Variants in UNC13A observed in about 807,000 individuals in gnomAD.
UNC13A encodes the protein protein unc-13 homolog A.
UNC13A carries 61 observed loss-of-function variants against 219.7 expected under a neutral mutation model. The observed-to-expected ratio is 0.28, with a 90% CI of 0.23 to 0.34. UNC13A has a LOEUF of 0.34. Among genes scored for constraint, UNC13A ranks in the 10% least tolerant of loss-of-function variants. The pLI is 1.00. For synonymous variants in UNC13A, 920 were observed against 884.6 expected (o/e 1.04, Z -0.71); for missense variants, 1,476 against 2,270.3 (o/e 0.65, Z 7.11).
Position 17,630,229 on chromosome 19 carries a change from T to C in UNC13A, c.3585A>G (p.Gln1195=), listed in dbSNP as rs1275701534. 1 of 1,555,614 alleles carries C rather than the reference T, an allele frequency of 6.4e-7. No individual in the cohort carries two copies. The highest frequency in any genetic ancestry group is 8.7e-7 in the Non-Finnish European group (1 of 1,149,358). ...FSCSVVDVFS[Q]LNQSFEIIKK... is the part of the protein sequence containing the mutation. ...TGATGATTTCAAAGCTCTGGTTGAG[T>C]TGGGAGAAAACATCCACCACGGAGC... is the stretch of plus-strand genomic sequence containing the variant. The change falls in exon 30 of 44, where the codon CAA becomes CAG. Residue 1195 remains glutamine, a synonymous_variant. Transcript: ENST00000519716.
At chr19:17,618,983 C>G in intron 38 of UNC13A, 21 bp from the exon 39 acceptor site, 3 of 1,613,530 alleles carry the variant, frequency 1.9e-6, no homozygotes, top group Non-Finnish European at 2.5e-6. Flanking sequence ...CAACATACAG[C>G]TGGGTGAGGG....
intron 8 of UNC13A, among the ~76,000 whole-genome samples, chr19:17,662,628 C>T (rs574367226): frequency 3.8e-4 from 58 of 152,156 alleles, no homozygotes; most frequent in Admixed American, 2.0e-4. Flanking sequence ...GAAAAACGGA[C>T]ATTTAATTAG....
chr19:17,609,043 C>T (rs914693002), intron 43 of UNC13A, among the ~76,000 whole-genome samples: 2 of 149,982 alleles, frequency 1.3e-5, no homozygotes, highest in East Asian at 2.0e-4. Context: ...CTGCACCCTC[C>T]GCCTCCCGGA....
Position 17,648,591 on chromosome 19 carries a change from C to T in UNC13A, c.1656G>A (p.Thr552=), listed in dbSNP as rs765135292. The T allele has an allele frequency of 2.5e-5, 41 of 1,613,650 alleles. No homozygotes were observed. The highest frequency in any genetic ancestry group is 3.3e-4 in the Middle Eastern group (2 of 6,084). Residue 552 remains threonine, a synonymous_variant, in exon 16 of 44, where the codon ACG becomes ACA. Transcript: ENST00000519716. ...QALIYPISCT[T]PHNFEVWTAT... is the part of the protein sequence containing the mutation. ...CCGTCCACACTTCGAAGTTGTGTGG[C>T]GTCGTGCACGAGATGGGGTAGATTA...
intron 11 of UNC13A, 95 bp from the exon 12 acceptor site, chr19:17,652,772 A>G: frequency 7.0e-7 from 1 of 1,426,362 alleles, no homozygotes. Flanking sequence ...CTGGGCTGGG[A>G]GTCAGATGGC....
Position 17,672,375 on chromosome 19 carries a change from C to T in UNC13A, c.270+3G>A. The T allele has an allele frequency of 6.2e-7, 1 of 1,613,428 alleles. No homozygotes were observed. The highest frequency in any genetic ancestry group is 8.5e-7 in the Non-Finnish European group (1 of 1,179,618). On this transcript the variant is annotated splice_donor_region_variant and intron_variant, in intron 4 of 43. Transcript: ENST00000519716. ...CTTCACCCTCAGGCCACCCGCCACT[C>T]ACCTCATTGGACTGGCGGATGGTCC... is the stretch of plus-strand genomic sequence containing the variant.
Position 17,649,011 on chromosome 19 carries a change from G to C in UNC13A, c.1525-28C>G. ...GGGGAGGTCACAGAAGAGGGAGTCG[G>C]GGGGGTTGACATCCATGAGATCACC... On this transcript the variant is annotated intron_variant, in intron 14 of 43. Coordinates refer to ENST00000519716, the MANE Select transcript of UNC13A (RefSeq NM_001080421.3). This position sits in a 1 kb window ranked among gnomAD's most constrained non-coding sequence, Gnocchi z 4.4. 1 of 1,574,254 alleles carries C rather than the reference G, an allele frequency of 6.4e-7. No homozygotes were observed. The highest frequency in any genetic ancestry group is 8.6e-7 in the Non-Finnish European group (1 of 1,161,826).
chr19:17,617,493 G>A (rs558530183), intron 41 of UNC13A, among the ~76,000 whole-genome samples: 20 of 152,252 alleles, frequency 1.3e-4, no homozygotes, highest in Admixed American at 3.3e-4. Flanking sequence ...ATTTTCCCAG[G>A]GGTTGACGAT....
At chr19:17,631,217 T>C (rs1174930752) in intron 28 of UNC13A, among the ~76,000 whole-genome samples, 2,915 of 31,716 alleles carry the variant, frequency 0.092, 317 homozygotes, top group African/African-American at 0.26. Context: ...CCTTCCTTCC[T>C]TCCTTCTTCC....
chr19:17,618,628 C>T, intron 39 of UNC13A, 127 bp from the exon 40 acceptor site: 1 of 962,240 alleles, frequency 1.0e-6, no homozygotes, highest in Non-Finnish European at 1.6e-6. Flanking sequence ...ATCATCCCAG[C>T]ACCCAATATG....
intron 42 of UNC13A, 21 bp from the exon 43 acceptor site, chr19:17,610,120 T>C (rs1599824034): frequency 6.2e-7 from 1 of 1,613,430 alleles, no homozygotes; most frequent in African/African-American, 1.3e-5. Context: ...AAGTAGAGGG[T>C]AAGACAGGTC....
At chr19:17,662,124 T>TC (rs1182910508) in intron 8 of UNC13A, among the ~76,000 whole-genome samples, 3 of 152,076 alleles carry the variant, frequency 2.0e-5, no homozygotes, top group Middle Eastern at 3.4e-3. Context: ...GCGCCTGTAA[T>TC]CCCAGCTACT....
intron 38 of UNC13A, 121 bp downstream of exon 38, chr19:17,620,572 C>A: frequency 1.0e-6 from 1 of 982,904 alleles, no homozygotes; most frequent in Non-Finnish European, 1.5e-6. Context: ...AAGAAGAGAC[C>A]AACAGACAGG....
intron 4 of UNC13A, among the ~76,000 whole-genome samples, chr19:17,671,313 G>T (rs1184473321): frequency 6.6e-6 from 1 of 152,140 alleles, no homozygotes; most frequent in Non-Finnish European, 1.5e-5. Context: ...AGTGTGGGGG[G>T]AGATGAGGCT....
At chr19:17,680,577 C>G (rs2145926841) in intron 1 of UNC13A, among the ~76,000 whole-genome samples, 2 of 152,246 alleles carry the variant, frequency 1.3e-5, no homozygotes, top group South Asian at 4.1e-4. Flanking sequence ...GGAGTTCAGG[C>G]TGCGGGACAC....
intron 41 of UNC13A, among the ~76,000 whole-genome samples, chr19:17,617,217 C>T (rs2144948474): frequency 6.6e-6 from 1 of 152,192 alleles, no homozygotes; most frequent in South Asian, 2.1e-4. Context: ...AGAGGTCCTG[C>T]CCATCCTGAG....
In UNC13A at chr19:17,649,900, G is replaced by A. The variant is rs1165115666; in HGVS notation, c.1440-313C>T. ...TGTGACAGCAGAGGCAGAAAGCGAC[G>A]TATCTACAAACCAATACTCGGGGGC... is the stretch of plus-strand genomic sequence containing the variant. On this transcript the variant is annotated intron_variant, in intron 12 of 43. Transcript: ENST00000519716. The surrounding 1 kb of genome is among the most constrained non-coding windows in gnomAD (Gnocchi z 4.4). 1.3e-5 allele frequency among the ~76,000 whole-genome samples: 2 copies of A among 152,130 alleles called. No individual in the cohort carries two copies. Among genetic ancestry groups the A allele is most frequent in the African/African-American group, 2.4e-5 (1 of 41,406 alleles).
chr19:17,635,378 G>A (rs2076903103), intron 26 of UNC13A, among the ~76,000 whole-genome samples: 1 of 152,094 alleles, frequency 6.6e-6, no homozygotes, highest in Non-Finnish European at 1.5e-5. Context: ...TCCCTAACCA[G>A]GATATGTTAA....
At chr19:17,647,559 A>G (rs4808675) in intron 16 of UNC13A, 67 bp from the exon 17 acceptor site, 303,425 of 1,478,240 alleles carry the variant, frequency 0.21, 32,237 homozygotes, top group African/African-American at 0.22. Flanking sequence ...CCAAGGCGAG[A>G]GCCCCGCCCC....
Sources: gnomAD v4.1 joint callset for allele counts (sites outside exome capture counted in the v4.1 genomes callset) on GRCh38, gnomAD v4.1.1 for gene constraint, Gnocchi (gnomAD v3.1) non-coding constraint, MANE v1.5 for transcripts, NCBI Gene and HGNC (gene_info 2026-07-23, HGNC 2026-07-21) for gene names.